CNTN5: variants seen among roughly 807,000 people sequenced by gnomAD.
CNTN5 encodes contactin-5.
Under a neutral mutation model 129.1 loss-of-function variants are expected in CNTN5, and 77 were observed. That is an observed-to-expected ratio of 0.60 (90% CI 0.50 to 0.72). CNTN5 has a LOEUF of 0.72. Ranked by LOEUF, CNTN5 falls within the 30% of genes least tolerant of loss-of-function variation. CNTN5 has a pLI of 0.00. For synonymous variants in CNTN5, 509 were observed against 465.6 expected, an observed-to-expected ratio of 1.09 and a Z score of -1.20; for missense variants, 1,478 against 1,328.8, an observed-to-expected ratio of 1.11 and a Z score of -1.75.
intron 7 of CNTN5, among the ~76,000 whole-genome samples, chr11:99,940,146 C>T (rs1251369966): frequency 1.3e-5 from 2 of 152,134 alleles, no homozygotes; most frequent in Non-Finnish European, 2.9e-5. Context: ...TAATACACAT[C>T]TGCAATGCAG....
At chr11:99,334,562 G>A (rs1194221012) in intron 2 of CNTN5, among the ~76,000 whole-genome samples, 1 of 151,998 alleles carries the variant, frequency 6.6e-6, no homozygotes, top group Non-Finnish European at 1.5e-5. Context: ...TACAGTATTG[G>A]ACTGAGCCAC....
At chr11:100,016,948 A>T (rs774632055) in intron 9 of CNTN5, among the ~76,000 whole-genome samples, 2 of 151,784 alleles carry the variant, frequency 1.3e-5, no homozygotes. Flanking sequence ...TTGGTCTGAA[A>T]AACATAATTC....
intron 7 of CNTN5, among the ~76,000 whole-genome samples, chr11:99,949,230 CTTG>C (rs1407184914): frequency 1.3e-5 from 2 of 152,174 alleles, no homozygotes; most frequent in African/African-American, 2.4e-5. Flanking sequence ...AGTATCTACT[CTTG>C]TTGTTGTCGT....
At position 99,759,559 on chromosome 11, in the gene CNTN5, T is replaced by A. The variant is rs1032199341; in HGVS notation, c.56-59985T>A. Among the ~76,000 whole-genome samples, 4 of 151,958 alleles carry A rather than the reference T, an allele frequency of 2.6e-5. No homozygotes were observed. In the Admixed American group the frequency reaches 2.6e-4, roughly 10 times the overall value. ...AGGTTTGTTTCAGCTACTTGAGATA[T>A]GACCCCAAGAATTTACCAAGGAAAT... is the stretch of plus-strand genomic sequence containing the variant. On this transcript the variant is annotated intron_variant, in intron 3 of 24. Coordinates refer to ENST00000524871, the MANE Select transcript of CNTN5 (RefSeq NM_014361.4).
intron 3 of CNTN5, among the ~76,000 whole-genome samples, chr11:99,709,233 C>A (rs1003410734): frequency 5.3e-5 from 8 of 151,794 alleles, no homozygotes; most frequent in African/African-American, 1.7e-4. Flanking sequence ...AACAAAATGT[C>A]TTTGTTTAAA....
At chr11:99,356,837 A>T (rs547236303) in intron 2 of CNTN5, among the ~76,000 whole-genome samples, 14 of 152,208 alleles carry the variant, frequency 9.2e-5, no homozygotes, top group Non-Finnish European at 1.8e-4. Flanking sequence ...GATTCAGGAA[A>T]TAATTAGGTT....
At chr11:99,492,758 G>C (rs1946084508) in intron 2 of CNTN5, among the ~76,000 whole-genome samples, 1 of 152,104 alleles carries the variant, frequency 6.6e-6, no homozygotes, top group Admixed American at 6.6e-5. Flanking sequence ...CAAAGAAACA[G>C]GAAAAGCTGT....
chr11:99,041,763 T>C (rs903587489), intron 1 of CNTN5, among the ~76,000 whole-genome samples: 2 of 152,198 alleles, frequency 1.3e-5, no homozygotes, highest in Admixed American at 6.5e-5. Context: ...GGATATCTAT[T>C]ATATGAATAA....
intron 2 of CNTN5, among the ~76,000 whole-genome samples, chr11:99,463,108 A>AAAAT (rs376289717): frequency 0.025 from 3,011 of 121,118 alleles, 59 homozygotes; most frequent in South Asian, 0.099. Flanking sequence ...ACTCCATCTC[A>AAAAT]AAATAAATAA....
intron 17 of CNTN5, among the ~76,000 whole-genome samples, chr11:100,256,776 C>T (rs1390497374): frequency 2.0e-5 from 3 of 152,078 alleles, no homozygotes; most frequent in African/African-American, 7.2e-5. Context: ...AGCCCAGATA[C>T]TACACTTTTC....
chr11:99,298,701 G>A (rs1165381346), intron 1 of CNTN5, among the ~76,000 whole-genome samples: 2 of 152,098 alleles, frequency 1.3e-5, no homozygotes, highest in Admixed American at 6.6e-5. Flanking sequence ...GCCATTTTAA[G>A]TTCCCCTTGA....
intron 8 of CNTN5, among the ~76,000 whole-genome samples, chr11:99,978,986 G>A (rs1259053198): frequency 2.0e-5 from 3 of 152,126 alleles, no homozygotes; most frequent in East Asian, 1.9e-4. Flanking sequence ...GTTCTGCCCC[G>A]CTTTAACTAT....
Position 100,250,227 on chromosome 11 carries a change from C to A in CNTN5, c.2006-5533C>A, listed in dbSNP as rs527883150. Among the ~76,000 whole-genome samples the A allele has an allele frequency of 2.0e-5, 3 of 152,012 alleles. No homozygotes were observed. The South Asian group carries it at 6.2e-4, about 32-fold the overall frequency. On this transcript the variant is annotated intron_variant, in intron 16 of 24. Coordinates refer to ENST00000524871, the MANE Select transcript of CNTN5 (RefSeq NM_014361.4). ...CTTGGATGAAAAAAAACCCTGTTAA[C>A]CCAAATATAGTTTGATTTAACAAAA... is the stretch of plus-strand genomic sequence containing the variant.
intron 2 of CNTN5, among the ~76,000 whole-genome samples, chr11:99,536,971 C>T (rs1037870861): frequency 6.6e-6 from 1 of 151,878 alleles, no homozygotes; most frequent in African/African-American, 2.4e-5. Flanking sequence ...GGATATTTTA[C>T]ATTCCTTTTT....
intron 2 of CNTN5, among the ~76,000 whole-genome samples, chr11:99,359,317 C>G (rs1032429782): frequency 2.0e-5 from 3 of 152,044 alleles, no homozygotes; most frequent in Non-Finnish European, 1.5e-5. Flanking sequence ...TCCCTCAAAC[C>G]CTTTTTCTAA....
chr11:100,003,332 G>A (rs1939994288), intron 9 of CNTN5, among the ~76,000 whole-genome samples: 1 of 152,128 alleles, frequency 6.6e-6, no homozygotes, highest in Non-Finnish European at 1.5e-5. Context: ...AAAGATGTTA[G>A]TTAAGCGCAT....
intron 2 of CNTN5, among the ~76,000 whole-genome samples, chr11:99,552,194 A>G (rs1228571876): frequency 2.0e-5 from 3 of 150,418 alleles, no homozygotes; most frequent in Non-Finnish European, 4.4e-5. Context: ...GACATGAGCT[A>G]CGCACCTGGT....
intron 8 of CNTN5, among the ~76,000 whole-genome samples, chr11:99,978,332 G>T: frequency 6.6e-6 from 1 of 152,090 alleles, no homozygotes; most frequent in East Asian, 1.9e-4. Flanking sequence ...TATTATTAAA[G>T]AACAAAATAT....
chr11:99,601,416 T>A (rs1170028078), intron 3 of CNTN5, among the ~76,000 whole-genome samples: 1 of 152,176 alleles, frequency 6.6e-6, no homozygotes, highest in Admixed American at 6.5e-5. Context: ...CCTGTCAATA[T>A]TTGTCATCCC....
Sources: gnomAD v4.1 joint callset for allele counts (sites outside exome capture counted in the v4.1 genomes callset) on GRCh38, gnomAD v4.1.1 for gene constraint, MANE v1.5 for transcripts, NCBI Gene and HGNC (gene_info 2026-07-23, HGNC 2026-07-21) for gene names.